CSMD1: variants seen among roughly 807,000 people sequenced by gnomAD.
CSMD1 encodes CUB and sushi domain-containing protein 1.
Under a neutral mutation model 417.5 loss-of-function variants are expected in CSMD1, and 213 were observed. The observed-to-expected ratio is 0.51, with a 90% CI of 0.46 to 0.57. CSMD1 has a LOEUF of 0.57. Ranked by LOEUF, CSMD1 falls within the 20% of genes least tolerant of loss-of-function variation. CSMD1 has a pLI of 0.00. For synonymous variants in CSMD1, 2,862 were observed against 1,736.8 expected (o/e 1.65, Z -16.11); for missense variants, 6,923 against 4,529.7 (o/e 1.53, Z -15.17).
chr8:4,053,067 G>C lies in CSMD1; in HGVS notation c.416-20968C>G, dbSNP rs531763509. 7.9e-5 allele frequency among the ~76,000 whole-genome samples: 12 copies of C among 152,260 alleles called. No homozygotes were observed. In the East Asian group the frequency reaches 2.3e-3, roughly 29 times the overall value. ...ACCAGAGGAGTCCTTGGGAGGCTGT[G>C]TGCTGAAAGGATGATTGGAATAAGA... On this transcript the variant is annotated intron_variant, in intron 3 of 69. Transcript: ENST00000635120.
intron 8 of CSMD1, among the ~76,000 whole-genome samples, chr8:3,611,540 T>G (rs1473497194): frequency 6.6e-6 from 1 of 152,118 alleles, no homozygotes; most frequent in African/African-American, 2.4e-5. Flanking sequence ...ATGACAAAAT[T>G]TGAGCCCATG....
intron 1 of CSMD1, among the ~76,000 whole-genome samples, chr8:4,823,208 A>C (rs1799616671): frequency 6.6e-6 from 1 of 152,038 alleles, no homozygotes; most frequent in African/African-American, 2.4e-5. Context: ...TATTAGGTTT[A>C]ATCCAAATGT....
rs1006979885 is a variant in CSMD1 at position 3,128,612 on chromosome 8, T to G, written c.6242-10025A>C. ...TCAGAGTTAAGTGTCATCTTATCAA[T>G]TTATCAATTTTATAAAATGGCAAAC... On this transcript the variant is annotated intron_variant, in intron 41 of 69. Transcript: ENST00000635120. 2.0e-5 allele frequency: 6 copies of G among 298,280 alleles called. No homozygotes were observed. In the Admixed American group the frequency reaches 2.8e-4, roughly 14 times the overall value. The allele number at this position is 298,280 out of a possible 1,614,324, so 18.5% of individuals were successfully genotyped here.
rs1470903687 is a variant in CSMD1 at position 4,784,453 on chromosome 8, A to G, written c.86-146895T>C. ...TTTAAAATTTTGAACCCGTGATTAA[A>G]ATAACACTTGCATTGAAATTTTAAC... On this transcript the variant is annotated intron_variant, in intron 1 of 69. Coordinates refer to ENST00000635120, the MANE Select transcript of CSMD1 (RefSeq NM_033225.6). Among the ~76,000 whole-genome samples, 3 of 152,234 alleles carry G rather than the reference A, an allele frequency of 2.0e-5. No homozygotes were observed. In the South Asian group the frequency reaches 6.2e-4, roughly 32 times the overall value.
chr8:4,280,051 G>A (rs570147402), intron 3 of CSMD1, among the ~76,000 whole-genome samples: 1 of 152,252 alleles, frequency 6.6e-6, no homozygotes, highest in Non-Finnish European at 1.5e-5. Context: ...CTCATAGCTA[G>A]AACGCTGAGC....
At chr8:3,856,554 C>T (rs536928206) in intron 5 of CSMD1, among the ~76,000 whole-genome samples, 14 of 152,242 alleles carry the variant, frequency 9.2e-5, no homozygotes, top group East Asian at 1.9e-4. Flanking sequence ...CCACATCATG[C>T]GGCACTGGGG....
At chr8:3,804,435 A>G (rs1191455898) in intron 5 of CSMD1, among the ~76,000 whole-genome samples, 2 of 152,126 alleles carry the variant, frequency 1.3e-5, no homozygotes, top group African/African-American at 4.8e-5. Context: ...GAAAAATACT[A>G]TTTTTCTAAA....
intron 23 of CSMD1, among the ~76,000 whole-genome samples, chr8:3,311,910 A>T (rs1805381158): frequency 6.6e-6 from 1 of 152,216 alleles, no homozygotes; most frequent in Admixed American, 6.5e-5. Flanking sequence ...TTAATGCTTT[A>T]AACGTTATCC....
intron 2 of CSMD1, among the ~76,000 whole-genome samples, chr8:4,535,600 C>T (rs1358684309): frequency 1.3e-5 from 2 of 152,170 alleles, no homozygotes; most frequent in Non-Finnish European, 2.9e-5. Context: ...GATAGCATCT[C>T]TGTTCTGTGA....
chr8:3,712,082 T>C (rs1801540670), intron 6 of CSMD1, among the ~76,000 whole-genome samples: 1 of 152,190 alleles, frequency 6.6e-6, no homozygotes. Flanking sequence ...TATATGTATT[T>C]ATTTATTATT....
Position 3,532,290 on chromosome 8 carries a change from G to A in CSMD1, c.1345-38564C>T, listed in dbSNP as rs114828332. On this transcript the variant is annotated intron_variant, in intron 10 of 69. Coordinates refer to ENST00000635120, the MANE Select transcript of CSMD1 (RefSeq NM_033225.6). ...GCCACTTCACATGATTCTGCATGGTGTCACTGGCTGGCTCTTCTGGGACAT... is the reference window on the plus strand; with the variant it reads ...GCCACTTCACATGATTCTGCATGGTATCACTGGCTGGCTCTTCTGGGACAT... Among the ~76,000 whole-genome samples, 339 of 152,270 alleles carry A rather than the reference G, an allele frequency of 2.2e-3. 2 individuals are homozygous for A. Among genetic ancestry groups the A allele is most frequent in the African/African-American group, 7.8e-3 (322 of 41,534 alleles).
At position 4,950,134 on chromosome 8, in the gene CSMD1, T is replaced by C. The variant is rs1808643193; in HGVS notation, c.85+44198A>G. Among the ~76,000 whole-genome samples, 2 of 152,176 alleles carry C rather than the reference T, an allele frequency of 1.3e-5. 1 individual carries two copies. The highest frequency in any genetic ancestry group is 2.9e-5 in the Non-Finnish European group (2 of 68,030). Reference sequence around the variant, plus strand: ...TTTCATATGATAAGATTTTAATATATGTCTATGTTCCCATGTAGCACACTT... The same window carrying C: ...TTTCATATGATAAGATTTTAATATACGTCTATGTTCCCATGTAGCACACTT... On this transcript the variant is annotated intron_variant, in intron 1 of 69. Transcript: ENST00000635120.
chr8:3,182,242 T>C (rs559544321), intron 36 of CSMD1, among the ~76,000 whole-genome samples: 2 of 152,252 alleles, frequency 1.3e-5, no homozygotes, highest in Admixed American at 6.5e-5. Flanking sequence ...CTATCCAATA[T>C]CCCCCAACAG....
chr8:4,804,300 CA>C (rs1190719275), intron 1 of CSMD1, among the ~76,000 whole-genome samples: 3 of 151,912 alleles, frequency 2.0e-5, no homozygotes, highest in African/African-American at 7.3e-5. Flanking sequence ...AGAGCAGAAG[CA>C]ATTAATAATT....
intron 7 of CSMD1, among the ~76,000 whole-genome samples, chr8:3,623,759 T>C (rs1796367975): frequency 6.6e-6 from 1 of 152,124 alleles, no homozygotes; most frequent in Admixed American, 6.6e-5. Context: ...GCAGATCACC[T>C]GAGGTGAGGA....
rs111762506 is a variant in CSMD1, at chr8:3,207,090, A to G, written c.4868-1470T>C. ...GAATTAGCTTCAGTATTTCAGAAAGATTATATTTCTACAGCTCATTTCTTC... is the reference window on the plus strand; with the variant it reads ...GAATTAGCTTCAGTATTTCAGAAAGGTTATATTTCTACAGCTCATTTCTTC... On this transcript the variant is annotated intron_variant, in intron 30 of 69. Transcript: ENST00000635120. Among the ~76,000 whole-genome samples the G allele has an allele frequency of 3.0e-3, 452 of 149,804 alleles. 4 individuals carry two copies. The highest frequency in any genetic ancestry group is 0.01 in the African/African-American group (421 of 40,664).
At position 4,322,568 on chromosome 8, in the gene CSMD1, T is replaced by G. The variant is rs10103330; in HGVS notation, c.415+97385A>C. ...GGCCCTGAAGAGAGTAAGTAAGATT[T>G]TGATGAAGGAAAATTTCAACATAAA... On this transcript the variant is annotated intron_variant, in intron 3 of 69. Coordinates refer to ENST00000635120, the MANE Select transcript of CSMD1 (RefSeq NM_033225.6). Among the ~76,000 whole-genome samples, 1,517 of 152,118 alleles carry G rather than the reference T, an allele frequency of 1.0e-2. 12 individuals are homozygous for G. Among genetic ancestry groups the G allele is most frequent in the Middle Eastern group, 0.017 (5 of 294 alleles).
At chr8:3,223,539 T>C (rs929464107) in intron 28 of CSMD1, among the ~76,000 whole-genome samples, 190 bp downstream of exon 28, 1 of 152,196 alleles carries the variant, frequency 6.6e-6, no homozygotes, top group East Asian at 1.9e-4. Flanking sequence ...GCATCTTAAG[T>C]AGAATGCCCC....
rs762523726 is a variant in CSMD1 at position 3,387,570 on chromosome 8, C to T, written c.2706G>A (p.Gly902=). Reference sequence around the variant, plus strand: ...GGGGCTCGTCGTCACTTAGTGTGTACCCCGGGTCACAGCTGAAAGTCACTG... The same window carrying T: ...GGGGCTCGTCGTCACTTAGTGTGTATCCCGGGTCACAGCTGAAAGTCACTG... The part of the protein sequence containing the change: ...RSTVTFSCDP[G]YTLSDDEPLV... Residue 902 remains glycine (G), a synonymous_variant, in exon 18 of 70, where the codon GGG becomes GGA. Transcript: ENST00000635120. 3.7e-6 allele frequency: 6 copies of T among 1,600,862 alleles called. No individual in the cohort carries two copies. In the African/African-American group the frequency reaches 8.0e-5, roughly 21 times the overall value.
Sources: gnomAD v4.1 joint callset for allele counts (sites outside exome capture counted in the v4.1 genomes callset) on GRCh38, gnomAD v4.1.1 for gene constraint, MANE v1.5 for transcripts, NCBI Gene and HGNC (gene_info 2026-07-23, HGNC 2026-07-21) for gene names.